PALM2AKAP2: variants seen among roughly 807,000 people sequenced by gnomAD.
PALM2AKAP2 encodes PALM2-AKAP2 fusion protein.
A neutral mutation model predicts 71.5 loss-of-function variants in PALM2AKAP2; 37 were observed. The observed-to-expected ratio is 0.52, with a 90% CI of 0.40 to 0.68. The LOEUF (loss-of-function observed/expected upper bound fraction) is 0.68, where lower values mean the gene tolerates loss of function less well. Among genes scored for constraint, PALM2AKAP2 ranks in the 30% least tolerant of loss-of-function variants. PALM2AKAP2 has a pLI of 0.00. For missense variants in PALM2AKAP2, 1,224 were observed against 1,191.8 expected (o/e 1.03, Z -0.40); for synonymous variants, 468 against 478.8 (o/e 0.98, Z 0.29).
chr9:110,055,643 C>T (rs1487435541), intron 1 of PALM2AKAP2, among the ~76,000 whole-genome samples: 7 of 152,148 alleles, frequency 4.6e-5, no homozygotes, highest in Admixed American at 4.6e-4. Flanking sequence ...TAGGGAGACA[C>T]AAACATTCAG....
chr9:110,025,365 G>T, intron 7 of PALM2AKAP2: 1 of 1,010,540 alleles, frequency 9.9e-7, no homozygotes, highest in Non-Finnish European at 1.5e-6. Flanking sequence ...TCATTTTGGC[G>T]AATTACTGGA....
chr9:109,959,600 A>G (rs1241892309), intron 6 of PALM2AKAP2, among the ~76,000 whole-genome samples: 6 of 149,394 alleles, frequency 4.0e-5, no homozygotes, highest in African/African-American at 1.5e-4. Context: ...AGCTGAGATC[A>G]CGCCACTGCA....
chr9:109,812,062 C>T (rs1369936951), intron 1 of PALM2AKAP2, among the ~76,000 whole-genome samples: 1 of 152,196 alleles, frequency 6.6e-6, no homozygotes, highest in Non-Finnish European at 1.5e-5. Flanking sequence ...GCCACAGTCT[C>T]GGTCACAATA....
intron 1 of PALM2AKAP2, among the ~76,000 whole-genome samples, chr9:109,842,765 A>G (rs1348247612): frequency 6.6e-6 from 1 of 152,148 alleles, no homozygotes; most frequent in Non-Finnish European, 1.5e-5. Context: ...TTGTAATCCC[A>G]GCTCTTTGGG....
At chr9:110,149,837 G>T (rs1411604395) in intron 2 of PALM2AKAP2, among the ~76,000 whole-genome samples, 1 of 152,220 alleles carries the variant, frequency 6.6e-6, no homozygotes, top group Non-Finnish European at 1.5e-5. Context: ...TTAGAAGGCA[G>T]AAGTCTGAAA....
intron 1 of PALM2AKAP2, among the ~76,000 whole-genome samples, chr9:109,865,121 C>G: frequency 3.2e-4 from 1 of 3,124 alleles, no homozygotes. Context: ...TTTTTTGAGA[C>G]AGAGTCTCAC....
At chr9:109,964,698 AG>A (rs1330384726) in intron 6 of PALM2AKAP2, among the ~76,000 whole-genome samples, 1 of 152,110 alleles carries the variant, frequency 6.6e-6, no homozygotes, top group African/African-American at 2.4e-5. Flanking sequence ...TGGGAACTTG[AG>A]CTCAAGGCTT....
At chr9:110,156,636 G>T (rs1028324877) in intron 3 of PALM2AKAP2, 139 bp downstream of exon 9, 3 of 1,241,478 alleles carry the variant, frequency 2.4e-6, no homozygotes, top group Admixed American at 3.9e-5. Flanking sequence ...CATATATGTG[G>T]TTTCACATGC....
chr9:110,137,322 T>C (rs1305725441), exon 2 of PALM2AKAP2: 1 of 1,614,056 alleles, frequency 6.2e-7, no homozygotes, highest in East Asian at 2.2e-5. Flanking sequence ...CTGGGGTCAG[T>C]CAACTCAGAC....
At chr9:110,125,654 G>A (rs1316817844) in intron 1 of PALM2AKAP2, 1 of 957,588 alleles carries the variant, frequency 1.0e-6, no homozygotes, top group African/African-American at 1.8e-5. Context: ...TGAAAGGACA[G>A]GGGTCTTTTT....
intron 6 of PALM2AKAP2, among the ~76,000 whole-genome samples, chr9:109,947,190 G>A (rs561350484): frequency 1.3e-5 from 2 of 152,272 alleles, no homozygotes; most frequent in Admixed American, 6.5e-5. Context: ...ATTTGATTTG[G>A]TTCCTTTCCA....
At chr9:109,953,940 T>C (rs1333998940) in intron 6 of PALM2AKAP2, among the ~76,000 whole-genome samples, 1 of 151,302 alleles carries the variant, frequency 6.6e-6, no homozygotes, top group African/African-American at 2.4e-5. Context: ...AAAGACCCAA[T>C]GGCACCAGTT....
At chr9:109,765,101 G>A (rs1452968356) in intron 1 of PALM2AKAP2, among the ~76,000 whole-genome samples, 1 of 152,168 alleles carries the variant, frequency 6.6e-6, no homozygotes, top group Non-Finnish European at 1.5e-5. Context: ...CTTTGGGAGT[G>A]GATAAAACGT....
At chr9:110,109,337 C>CAAAA (rs1835188422) in intron 1 of PALM2AKAP2, among the ~76,000 whole-genome samples, 1 of 107,010 alleles carries the variant, frequency 9.3e-6, no homozygotes, top group Non-Finnish European at 2.0e-5. Flanking sequence ...AAAAAAAAAA[C>CAAAA]CAGAAAGAAA....
chr9:109,788,358 C>T (rs1827021149), intron 1 of PALM2AKAP2, among the ~76,000 whole-genome samples: 1 of 152,178 alleles, frequency 6.6e-6, no homozygotes, highest in Non-Finnish European at 1.5e-5. Context: ...CTGCTGGGCT[C>T]AGGACTCATA....
intron 1 of PALM2AKAP2, among the ~76,000 whole-genome samples, chr9:110,134,380 A>G (rs904795921): frequency 3.9e-5 from 6 of 152,238 alleles, no homozygotes; most frequent in African/African-American, 1.2e-4. Context: ...TGTGTTAAGT[A>G]TCACTCCTTA....
At chr9:109,902,280 C>T (rs552985749) in intron 3 of PALM2AKAP2, among the ~76,000 whole-genome samples, 5 of 152,316 alleles carry the variant, frequency 3.3e-5, no homozygotes, top group Admixed American at 2.6e-4. Context: ...CAGTGCCTAG[C>T]GCATAGTGAG....
chr9:110,096,468 T>C (rs1268928024), intron 1 of PALM2AKAP2, among the ~76,000 whole-genome samples: 2 of 151,360 alleles, frequency 1.3e-5, no homozygotes, highest in African/African-American at 2.5e-5. Flanking sequence ...GGTCTTCCCA[T>C]GTTTCCCAGG....
chr9:110,117,422 G>A (rs1835387420), intron 1 of PALM2AKAP2, among the ~76,000 whole-genome samples: 1 of 152,142 alleles, frequency 6.6e-6, no homozygotes, highest in South Asian at 2.1e-4. Context: ...ACTGTACCCT[G>A]CCAATAATCC....
Sources: allele counts gnomAD v4.1 joint callset (sites outside exome capture counted in the v4.1 genomes callset), GRCh38; gene constraint gnomAD v4.1.1; transcripts MANE v1.5; gene names NCBI Gene and HGNC (gene_info 2026-07-23, HGNC 2026-07-21).